SCRN1: variants seen among roughly 807,000 people sequenced by gnomAD.
The protein encoded by SCRN1 is secernin 1.
In SCRN1, 19 loss-of-function variants were observed where a neutral mutation model predicts 43.3. The ratio of observed to expected loss-of-function variants is 0.44; its 90% confidence interval spans 0.31 to 0.64. The LOEUF (loss-of-function observed/expected upper bound fraction) is 0.64. Ranked by LOEUF, SCRN1 falls within the 30% of genes least tolerant of loss-of-function variation. The pLI is 0.09. For missense variants in SCRN1, 447 were observed against 524.1 expected (o/e 0.85, Z 1.44); for synonymous variants, 183 against 188.9 (o/e 0.97, Z 0.26).
Position 29,923,946 on chromosome 7 carries a change from G to A in SCRN1, c.*11C>T. The A allele has an allele frequency of 6.2e-7, 1 of 1,602,692 alleles. No individual in the cohort carries two copies. The highest frequency in any genetic ancestry group is 8.5e-7 in the Non-Finnish European group (1 of 1,174,852). On this transcript the variant is annotated 3_prime_UTR_variant, in exon 8 of 8. Coordinates refer to ENST00000242059, the MANE Select transcript of SCRN1 (RefSeq NM_014766.5). Reference sequence around the variant, plus strand: ...AAGTCTTAAATAAGAAGGGGAAAGGGAACGCTTACTTCACTTAAAGAACTT... The same window carrying A: ...AAGTCTTAAATAAGAAGGGGAAAGGAAACGCTTACTTCACTTAAAGAACTT...
At chr7:29,955,428 C>T in intron 2 of SCRN1, 68 bp from the exon 3 acceptor site, 3 of 1,450,304 alleles carry the variant, frequency 2.1e-6, no homozygotes, top group South Asian at 1.3e-5. Flanking sequence ...TGCCTGGGTA[C>T]TTATACTGAA....
At chr7:29,960,351 C>T (rs1341765855) in intron 2 of SCRN1, among the ~76,000 whole-genome samples, 4 of 151,806 alleles carry the variant, frequency 2.6e-5, no homozygotes, top group African/African-American at 9.7e-5. Flanking sequence ...GACAGTGAAT[C>T]CATACGGTAT....
intron 6 of SCRN1, among the ~76,000 whole-genome samples, chr7:29,936,181 T>A (rs1226919755): frequency 6.6e-6 from 1 of 152,240 alleles, no homozygotes; most frequent in African/African-American, 2.4e-5. Flanking sequence ...CACATCTCTC[T>A]GTCTCGCTGT....
At chr7:29,968,410 A>C (rs1012068158) in intron 2 of SCRN1, among the ~76,000 whole-genome samples, 3 of 152,218 alleles carry the variant, frequency 2.0e-5, no homozygotes, top group African/African-American at 4.8e-5. Context: ...AAAATAAAAA[A>C]ATAAAAATGA....
Position 29,959,266 on chromosome 7 carries a change from T to C in SCRN1, c.160-3906A>G, listed in dbSNP as rs543911756. On this transcript the variant is annotated intron_variant, in intron 2 of 7. Transcript: ENST00000242059. Reference sequence around the variant, plus strand: ...CAAAAACCATTGTGAGATGAGTTGATGAGTCAGCCAAACTTCTTACGGTGG... The same window carrying C: ...CAAAAACCATTGTGAGATGAGTTGACGAGTCAGCCAAACTTCTTACGGTGG... 1.3e-3 allele frequency among the ~76,000 whole-genome samples: 204 copies of C among 152,330 alleles called. 1 individual carries two copies. Among genetic ancestry groups the C allele is most frequent in the African/African-American group, 4.7e-3 (197 of 41,574 alleles).
intron 3 of SCRN1, chr7:29,947,208 G>T: frequency 6.4e-7 from 1 of 1,550,546 alleles, no homozygotes; most frequent in East Asian, 2.4e-5. Flanking sequence ...CTGGGAATTA[G>T]ATGCTCCTGA....
chr7:29,969,329 G>A, intron 1 of SCRN1: 1 of 472,260 alleles, frequency 2.1e-6, no homozygotes, highest in Non-Finnish European at 3.8e-6. Flanking sequence ...AGCCAAAAGT[G>A]CAGTGATGTG....
intron 2 of SCRN1, among the ~76,000 whole-genome samples, chr7:29,961,541 A>C (rs1788311594): frequency 6.7e-6 from 1 of 150,222 alleles, no homozygotes. Context: ...CTATTCCACA[A>C]AGCCGCCATT....
At chr7:29,940,212 T>C (rs1042918425) in intron 5 of SCRN1, among the ~76,000 whole-genome samples, 1 of 152,068 alleles carries the variant, frequency 6.6e-6, no homozygotes, top group African/African-American at 2.4e-5. Flanking sequence ...AATAAGTTAG[T>C]AACTAGTTGG....
In SCRN1 at chr7:29,969,068, C is replaced by T. The variant is rs1200519537; in HGVS notation, c.-1G>A. On this transcript the variant is annotated splice_region_variant and 5_prime_UTR_variant, in exon 2 of 8. Coordinates refer to ENST00000242059, the MANE Select transcript of SCRN1 (RefSeq NM_014766.5). ...AGTAACTTGGAGGAGCTGCAGCCATCCTGAAAAGAGAATGCCAGCAAGAGT... is the reference window on the plus strand; with the variant it reads ...AGTAACTTGGAGGAGCTGCAGCCATTCTGAAAAGAGAATGCCAGCAAGAGT... The T allele has an allele frequency of 6.2e-7, 1 of 1,611,860 alleles. No individual in the cohort carries two copies. Among genetic ancestry groups the T allele is most frequent in the Non-Finnish European group, 8.5e-7 (1 of 1,178,954 alleles).
intron 4 of SCRN1, among the ~76,000 whole-genome samples, chr7:29,943,229 G>C (rs995404864): frequency 1.3e-5 from 2 of 152,196 alleles, no homozygotes; most frequent in African/African-American, 4.8e-5. Flanking sequence ...CCAAGGAGCT[G>C]CTCGGGCCAA....
intron 2 of SCRN1, among the ~76,000 whole-genome samples, chr7:29,961,769 G>T (rs1788323491): frequency 6.6e-6 from 1 of 152,072 alleles, no homozygotes; most frequent in African/African-American, 2.4e-5. Context: ...GGCTGGCCGG[G>T]CAGGGGGCTG....
intron 5 of SCRN1, among the ~76,000 whole-genome samples, chr7:29,938,925 G>A (rs1197338613): frequency 1.3e-5 from 2 of 152,032 alleles, no homozygotes; most frequent in Non-Finnish European, 2.9e-5. Flanking sequence ...AGCTGGTCTC[G>A]GCAATTATTA....
At chr7:29,981,431 C>T (rs1488231831) in intron 1 of SCRN1, among the ~76,000 whole-genome samples, 1 of 152,194 alleles carries the variant, frequency 6.6e-6, no homozygotes, top group African/African-American at 2.4e-5. Flanking sequence ...AAGTTAGTAA[C>T]CCAACTTAGG....
intron 7 of SCRN1, among the ~76,000 whole-genome samples, chr7:29,926,241 G>A (rs1209359575): frequency 6.6e-6 from 1 of 152,202 alleles, no homozygotes; most frequent in Non-Finnish European, 1.5e-5. Flanking sequence ...AGAAGCAGAA[G>A]CTTTGTCTTA....
intron 5 of SCRN1, among the ~76,000 whole-genome samples, chr7:29,936,947 G>C (rs1787358016): frequency 6.6e-6 from 1 of 152,178 alleles, no homozygotes; most frequent in Admixed American, 6.5e-5. Flanking sequence ...TTGGGAGGCT[G>C]AGGCAGGAGA....
At chr7:29,975,906 T>C (rs556289514) in intron 1 of SCRN1, among the ~76,000 whole-genome samples, 33 of 152,334 alleles carry the variant, frequency 2.2e-4, no homozygotes, top group African/African-American at 6.0e-4. Context: ...TACTATACAT[T>C]TATGTTCTCT....
chr7:29,945,887 G>C (rs544430861), intron 3 of SCRN1, among the ~76,000 whole-genome samples: 2 of 152,076 alleles, frequency 1.3e-5, no homozygotes, highest in South Asian at 2.1e-4. Context: ...TTAGAACCTG[G>C]GCAATGGTGC....
chr7:29,987,936 T>A (rs1053769529), intron 1 of SCRN1, among the ~76,000 whole-genome samples: 2 of 152,092 alleles, frequency 1.3e-5, no homozygotes, highest in Non-Finnish European at 2.9e-5. Flanking sequence ...CGACCTTAGC[T>A]CATCCTCCTC....
Sources: gnomAD v4.1 joint callset for allele counts (sites outside exome capture counted in the v4.1 genomes callset) on GRCh38, gnomAD v4.1.1 for gene constraint, MANE v1.5 for transcripts, NCBI Gene and HGNC (gene_info 2026-07-23, HGNC 2026-07-21) for gene names.